The following CEMIP variants were observed in gnomAD, a reference collection of about 807,000 sequenced individuals.
CEMIP encodes cell migration inducing hyaluronidase 1.
In CEMIP, 105 loss-of-function variants were observed where a neutral mutation model predicts 156.9. That is an observed-to-expected ratio of 0.67 (90% CI 0.57 to 0.79). The LOEUF (loss-of-function observed/expected upper bound fraction) is 0.79, where lower values mean the gene tolerates loss of function less well. Ranked by LOEUF, CEMIP falls within the 30% of genes least tolerant of loss-of-function variation. The probability of loss-of-function intolerance (pLI) is 0.00; values close to 1 mark genes in which losing one functional copy is unlikely to be tolerated. For missense variants in CEMIP, 1,457 were observed against 1,769.4 expected (o/e 0.82, Z 3.17); for synonymous variants, 676 against 668.4 (o/e 1.01, Z -0.17).
At chr15:80,946,370 G>A (rs1901553477) in intron 28 of CEMIP, 1 of 155,052 alleles carries the variant, frequency 6.4e-6, no homozygotes, top group Non-Finnish European at 1.4e-5. Flanking sequence ...GATTCAGGAA[G>A]TCTGCAATGG....
intron 1 of CEMIP, among the ~76,000 whole-genome samples, chr15:80,852,010 G>A (rs1329334375): frequency 6.6e-6 from 1 of 152,124 alleles, no homozygotes; most frequent in African/African-American, 2.4e-5. Context: ...TGATGAGGAA[G>A]TAGAAGACTG....
intron 1 of CEMIP, among the ~76,000 whole-genome samples, chr15:80,846,532 G>T (rs140907606): frequency 6.6e-6 from 1 of 152,338 alleles, no homozygotes; most frequent in East Asian, 1.9e-4. Flanking sequence ...TGTTCAAACA[G>T]GATGTGTGCA....
intron 12 of CEMIP, among the ~76,000 whole-genome samples, chr15:80,899,875 G>A (rs1314660181): frequency 6.6e-6 from 1 of 152,232 alleles, no homozygotes; most frequent in East Asian, 1.9e-4. Flanking sequence ...AAGCCTCTGG[G>A]AGGTCAGATG....
At chr15:80,856,875 T>C (rs1358398288) in intron 1 of CEMIP, among the ~76,000 whole-genome samples, 1 of 152,158 alleles carries the variant, frequency 6.6e-6, no homozygotes. Flanking sequence ...GCTGTAAATT[T>C]CACCTGCGTG....
Position 80,920,264 on chromosome 15 carries a change from C to T in CEMIP, c.1968C>T (p.Tyr656=). ...KMCKMITEDS[Y]PGYIPKPRQD... ...GCAAGATGATCACAGAGGACTCCTACCCGGGGTACATCCCCAAGCCCAGGC... is the reference window on the plus strand; with the variant it reads ...GCAAGATGATCACAGAGGACTCCTATCCGGGGTACATCCCCAAGCCCAGGC... The change falls in exon 15 of 30, where the codon TAC becomes TAT. Residue 656 remains tyrosine (Y), a synonymous_variant. Transcript: ENST00000394685. 6.2e-7 allele frequency: 1 copy of T among 1,614,178 alleles called. No individual in the cohort carries two copies. The highest frequency in any genetic ancestry group is 8.5e-7 in the Non-Finnish European group (1 of 1,180,026).
chr15:80,896,091 G>C, intron 12 of CEMIP, 31 bp downstream of exon 12: 1 of 1,602,760 alleles, frequency 6.2e-7, no homozygotes, highest in Non-Finnish European at 8.5e-7. Context: ...TTCCTAGACT[G>C]GATGAATCTG....
intron 1 of CEMIP, among the ~76,000 whole-genome samples, chr15:80,828,207 C>G (rs994002302): frequency 6.6e-6 from 1 of 152,004 alleles, no homozygotes; most frequent in African/African-American, 2.4e-5. Context: ...GGTGAAACCT[C>G]GTCTCTACTA....
intron 5 of CEMIP, 64 bp from the exon 6 acceptor site, chr15:80,880,836 T>C: frequency 7.2e-7 from 1 of 1,387,324 alleles, no homozygotes; most frequent in Non-Finnish European, 1.0e-6. Context: ...CTAGGTTCCC[T>C]CTGGGTTCAG....
intron 1 of CEMIP, among the ~76,000 whole-genome samples, chr15:80,822,975 C>T (rs1378661920): frequency 1.3e-5 from 2 of 152,114 alleles, no homozygotes; most frequent in African/African-American, 4.8e-5. Context: ...GGCCAGAATC[C>T]AGGCTTGGAT....
At chr15:80,900,638 G>GTGTGTGTGTGTGTCTGTGTC (rs1567090910) in intron 12 of CEMIP, among the ~76,000 whole-genome samples, 1 of 101,926 alleles carries the variant, frequency 9.8e-6, no homozygotes, top group Non-Finnish European at 2.1e-5. Flanking sequence ...GTGTGTGTGT[G>GTGTGTGTGTGTGTCTGTGTC]TGTGTGTGTG....
At chr15:80,946,519 CCTCT>C (rs1325699848) in intron 28 of CEMIP, 2 of 186,706 alleles carry the variant, frequency 1.1e-5, no homozygotes, top group African/African-American at 4.7e-5. Flanking sequence ...TCCCGCACCT[CCTCT>C]CTTTCTCTTC....
chr15:80,889,467 C>G lies in CEMIP; in HGVS notation c.965-4C>G, dbSNP rs759568782. 4.1e-5 allele frequency: 66 copies of G among 1,613,852 alleles called. No homozygotes were observed. Among genetic ancestry groups the G allele is most frequent in the Non-Finnish European group, 5.4e-5 (64 of 1,179,964 alleles). On this transcript the variant is annotated splice_polypyrimidine_tract_variant and splice_region_variant and intron_variant, in intron 9 of 29. Coordinates refer to ENST00000394685, the MANE Select transcript of CEMIP (RefSeq NM_001293298.2). The stretch of plus-strand genomic sequence containing the variant: ...TCTGACTGTGCTGTTTGCTTTCTGC[C>G]TAGACGTGGAGTGGACGGAGTGGTT...
chr15:80,795,156 T>A (rs1896185948), intron 1 of CEMIP, among the ~76,000 whole-genome samples: 1 of 152,008 alleles, frequency 6.6e-6, no homozygotes, highest in Non-Finnish European at 1.5e-5. Context: ...TGCAGCATCT[T>A]TTAAACCATG....
At position 80,786,556 on chromosome 15, in the gene CEMIP, CTGTGTG is replaced by C. The variant is rs3048927; in HGVS notation, c.-176+6976_-176+6981del. Among the ~76,000 whole-genome samples the C allele has an allele frequency of 5.4e-3, 754 of 140,670 alleles. 5 individuals are homozygous for C. Among genetic ancestry groups the C allele is most frequent in the Middle Eastern group, 0.017 (5 of 286 alleles). 92.3% of individuals were successfully genotyped at this position (140,670 alleles called of 152,430 possible). ...TGTCTTTAATATTCTGGATGTCTTGCTGTGTGTGTGTGTGTGTGTGTGTGTGTGTGT... is the reference window on the plus strand; with the variant it reads ...TGTCTTTAATATTCTGGATGTCTTGCTGTGTGTGTGTGTGTGTGTGTGTGT... On this transcript the variant is annotated intron_variant, in intron 1 of 29. Coordinates refer to ENST00000394685, the MANE Select transcript of CEMIP (RefSeq NM_001293298.2).
chr15:80,890,373 G>T (rs1480719119), intron 10 of CEMIP, among the ~76,000 whole-genome samples: 1 of 150,750 alleles, frequency 6.6e-6, no homozygotes, highest in Admixed American at 6.6e-5. Context: ...GAGGTCAGGA[G>T]TTAGAGACCA....
At position 80,884,238 on chromosome 15, in the gene CEMIP, C is replaced by T. The variant is rs375708015; in HGVS notation, c.681C>T (p.Pro227=). The part of the protein sequence containing the change: ...ERLVQYLNAV[P]DGRILSVAVN... The stretch of plus-strand genomic sequence containing the variant: ...TGGTCCAGTATTTGAACGCGGTGCC[C>T]GATGGCAGGATCCTTTCTGTTGCAG... The change falls in exon 7 of 30, where the codon CCC becomes CCT. Residue 227 remains proline (P), a synonymous_variant. Coordinates refer to ENST00000394685, the MANE Select transcript of CEMIP (RefSeq NM_001293298.2). The T allele has an allele frequency of 1.4e-5, 22 of 1,614,038 alleles. No homozygotes were observed. The highest frequency in any genetic ancestry group is 1.8e-5 in the Non-Finnish European group (21 of 1,180,024).
In CEMIP at chr15:80,878,816, C is replaced by T. The variant is rs202013715; in HGVS notation, c.190C>T (p.Leu64=). ...TGTGCATATCGGCCAGGGCAAGACACTGCTGCTCACCTCTTCTGCCACGGT... is the reference window on the plus strand; with the variant it reads ...TGTGCATATCGGCCAGGGCAAGACATTGCTGCTCACCTCTTCTGCCACGGT... ...HHVHIGQGKT[L]LLTSSATVYS... Residue 64 remains leucine, a synonymous_variant, in exon 4 of 30, where the codon CTG becomes TTG. Coordinates refer to ENST00000394685, the MANE Select transcript of CEMIP (RefSeq NM_001293298.2). 29 of 1,614,226 alleles carry T rather than the reference C, an allele frequency of 1.8e-5. No individual in the cohort carries two copies. The highest frequency in any genetic ancestry group is 1.4e-5 in the Non-Finnish European group (16 of 1,180,032).
intron 14 of CEMIP, among the ~76,000 whole-genome samples, chr15:80,916,408 G>T (rs115810548): frequency 3.3e-5 from 5 of 152,272 alleles, no homozygotes; most frequent in African/African-American, 9.6e-5. Flanking sequence ...CACGACTGCC[G>T]ACCATCAGCA....
chr15:80,880,835 C>G, intron 5 of CEMIP, 65 bp from the exon 6 acceptor site: 1 of 1,378,142 alleles, frequency 7.3e-7, no homozygotes. Context: ...CCTAGGTTCC[C>G]TCTGGGTTCA....
Sources: gnomAD v4.1 joint callset for allele counts (sites outside exome capture counted in the v4.1 genomes callset) on GRCh38, gnomAD v4.1.1 for gene constraint, MANE v1.5 for transcripts, NCBI Gene and HGNC (gene_info 2026-07-23, HGNC 2026-07-21) for gene names.